The following DZIP1L variants were observed in gnomAD, a reference collection of about 807,000 sequenced individuals.
DZIP1L encodes the protein cilium assembly protein DZIP1L.
DZIP1L carries 90 observed loss-of-function variants against 88.7 expected under a neutral mutation model. The ratio of observed to expected loss-of-function variants is 1.02; its 90% CI spans 0.86 to 1.21. The LOEUF is 1.21. Ranked by LOEUF, DZIP1L falls within the 50% of genes most tolerant of loss-of-function variation. The pLI is 0.00. For synonymous variants in DZIP1L, 363 were observed against 372.1 expected, an observed-to-expected ratio of 0.98 and a Z score of 0.28; for missense variants, 932 against 955.8, an observed-to-expected ratio of 0.98 and a Z score of 0.33.
intron 12 of DZIP1L, among the ~76,000 whole-genome samples, chr3:138,070,534 G>A (rs1303026090): frequency 6.6e-6 from 1 of 152,106 alleles, no homozygotes; most frequent in Non-Finnish European, 1.5e-5. Context: ...ATACCTGCTT[G>A]ATACTTGTCC....
rs1216238934 is a variant in DZIP1L, at chr3:138,086,855, C to G, written c.1062+106G>C. 40 of 1,199,002 alleles carry G rather than the reference C, an allele frequency of 3.3e-5. No homozygotes were observed. In the South Asian group the frequency reaches 5.2e-4, roughly 16 times the overall value. 74.3% of individuals were successfully genotyped at this position (1,199,002 alleles called of 1,614,324 possible). A position where few individuals can be genotyped will look rare whatever the true frequency, so the allele number is the denominator to read the frequency against. On this transcript the variant is annotated intron_variant, in intron 7 of 15. Coordinates refer to ENST00000327532, the MANE Select transcript of DZIP1L (RefSeq NM_173543.3). ...TATCTGCAGCATCTGCCAACCAGTT[C>G]CAGGTGAGATAGGGGAGATGGTGGG...
chr3:138,093,737 T>C (rs1481336570), intron 4 of DZIP1L, among the ~76,000 whole-genome samples: 1 of 152,242 alleles, frequency 6.6e-6, no homozygotes. Context: ...AACCAATCTC[T>C]TTTAGCTTTC....
chr3:138,098,635 C>G (rs1944583563), intron 2 of DZIP1L, among the ~76,000 whole-genome samples: 1 of 152,200 alleles, frequency 6.6e-6, no homozygotes, highest in Admixed American at 6.5e-5. Context: ...CCCCAATACC[C>G]ATTTTCCCTT....
At position 138,092,486 on chromosome 3, in the gene DZIP1L, T is replaced by C; in HGVS notation, c.767A>G (p.Lys256Arg). Reference protein sequence around the residue: ...IEAKKEFDKWKEQEWTKLYGE... With the variant: ...IEAKKEFDKWREQEWTKLYGE... ...ATAAAGTTTGGTCCACTCTTGCTCT[T>C]TCCATTTATCAAATTCTTTCTTAGC... The change falls in exon 5 of 16, where the codon AAA (lysine) becomes AGA (arginine). Residue 256 changes from lysine (K) to arginine (R), a missense_variant. By Grantham distance (26) the Lys-to-Arg change is conservative. Transcript: ENST00000327532. 3 of 1,603,132 alleles carry C rather than the reference T, an allele frequency of 1.9e-6. No homozygotes were observed. The highest frequency in any genetic ancestry group is 1.7e-6 in the Non-Finnish European group (2 of 1,176,656).
Position 138,085,817 on chromosome 3 carries a change from T to C in DZIP1L, c.1062+1144A>G, listed in dbSNP as rs1423879392. Among the ~76,000 whole-genome samples the C allele has an allele frequency of 3.3e-5, 5 of 152,366 alleles. No individual in the cohort carries two copies. The East Asian group carries it at 7.7e-4, about 23-fold the overall frequency. On this transcript the variant is annotated intron_variant, in intron 7 of 15. Transcript: ENST00000327532. ...AAAGACACACGCACACGTATGTTTA[T>C]TGTGGCACTATTCACAATAGCAAAG...
At chr3:138,074,299 C>A (rs1943304493) in intron 11 of DZIP1L, among the ~76,000 whole-genome samples, 1 of 152,188 alleles carries the variant, frequency 6.6e-6, no homozygotes, top group South Asian at 2.1e-4. Context: ...ATCATAAGAG[C>A]TGTGAGGCAA....
At chr3:138,101,591 C>A in intron 2 of DZIP1L, 1 of 802,784 alleles carries the variant, frequency 1.2e-6, no homozygotes, top group South Asian at 1.3e-5. Context: ...GAGCTGGAGC[C>A]TGCGCCAGAG....
intron 14 of DZIP1L, among the ~76,000 whole-genome samples, chr3:138,065,986 G>A (rs540225675): frequency 4.6e-5 from 7 of 152,330 alleles, no homozygotes; most frequent in African/African-American, 1.7e-4. Context: ...TACCATGACA[G>A]TTAGCTCAGG....
intron 2 of DZIP1L, chr3:138,102,184 C>G: frequency 7.3e-7 from 1 of 1,366,582 alleles, no homozygotes; most frequent in South Asian, 1.2e-5. Flanking sequence ...ATGGACAGCA[C>G]CACAGGCGTG....
intron 11 of DZIP1L, among the ~76,000 whole-genome samples, chr3:138,074,224 T>C (rs1943300466): frequency 6.6e-6 from 1 of 152,152 alleles, no homozygotes; most frequent in Admixed American, 6.5e-5. Context: ...GAGAAATTCA[T>C]TGCAAAAAGA....
intron 2 of DZIP1L, chr3:138,101,524 C>A: frequency 2.5e-6 from 2 of 796,980 alleles, no homozygotes; most frequent in Non-Finnish European, 4.4e-6. Flanking sequence ...CTTCCCATCG[C>A]AAGTCTCTAT....
chr3:138,114,605 G>T (rs1262295672), intron 1 of DZIP1L, among the ~76,000 whole-genome samples: 1 of 152,118 alleles, frequency 6.6e-6, no homozygotes, highest in Non-Finnish European at 1.5e-5. Flanking sequence ...AGCCAAGTCA[G>T]AACACCCCAT....
chr3:138,084,226 C>G lies in DZIP1L; in HGVS notation c.1090G>C (p.Ala364Pro), dbSNP rs1161112507. ...ELQEENQRLQ[A>P]SLSQDQKKAA... Reference sequence around the variant, plus strand: ...TTCTTCTGATCCTGAGACAGGGAGGCCTGGAGCCTCTGGTTCTCCTCCTGT... The same window carrying G: ...TTCTTCTGATCCTGAGACAGGGAGGGCTGGAGCCTCTGGTTCTCCTCCTGT... The change falls in exon 8 of 16, where the codon GCC becomes CCC. Residue 364 changes from alanine to proline, a missense_variant. By Grantham distance (27) the Ala-to-Pro change is conservative. Transcript: ENST00000327532. The G allele has an allele frequency of 1.2e-6, 2 of 1,614,010 alleles. No individual in the cohort carries two copies. Among genetic ancestry groups the G allele is most frequent in the Non-Finnish European group, 1.7e-6 (2 of 1,179,998 alleles).
intron 12 of DZIP1L, among the ~76,000 whole-genome samples, chr3:138,069,645 T>A (rs1419969232): frequency 1.3e-5 from 2 of 152,142 alleles, no homozygotes; most frequent in Non-Finnish European, 2.9e-5. Flanking sequence ...TACAACCACT[T>A]GGCCCCCGAG....
At chr3:138,071,606 A>G (rs1245954179) in intron 12 of DZIP1L, 37 bp downstream of exon 12, 7 of 1,581,532 alleles carry the variant, frequency 4.4e-6, no homozygotes, top group South Asian at 1.2e-5. Flanking sequence ...GGACCCTTAC[A>G]GGTCACAGCC....
intron 1 of DZIP1L, among the ~76,000 whole-genome samples, chr3:138,108,804 C>T (rs1211729020): frequency 1.3e-5 from 2 of 152,182 alleles, no homozygotes; most frequent in Non-Finnish European, 2.9e-5. Flanking sequence ...ATGAAAGAAA[C>T]CACAGTACAT....
At position 138,087,014 on chromosome 3, in the gene DZIP1L, A is replaced by G. The variant is rs776620159; in HGVS notation, c.1009T>C (p.Trp337Arg). 2.5e-6 allele frequency: 4 copies of G among 1,613,258 alleles called. No homozygotes were observed. Among genetic ancestry groups the G allele is most frequent in the Admixed American group, 1.7e-5 (1 of 59,830 alleles). ...TGCAGTTCCTTCACTTTTCTTTTCC[A>G]CTCCGTTTTCTGAAAAAGATTAAAA... ...REKTEIQKTE[W>R]KRKVKELHEE... The change falls in exon 7 of 16, where the codon TGG (tryptophan) becomes CGG (arginine). Residue 337 changes from tryptophan to arginine, a missense_variant. Coordinates refer to ENST00000327532, the MANE Select transcript of DZIP1L (RefSeq NM_173543.3).
intron 11 of DZIP1L, among the ~76,000 whole-genome samples, chr3:138,073,630 A>G (rs927530152): frequency 8.5e-5 from 13 of 152,178 alleles, no homozygotes; most frequent in African/African-American, 3.1e-4. Context: ...CCAGAAAAAC[A>G]ATTCTGGTAA....
At chr3:138,102,858 G>A in intron 2 of DZIP1L, 5 of 684,596 alleles carry the variant, frequency 7.3e-6, no homozygotes, top group South Asian at 6.3e-5. Context: ...AGCAGCTGCT[G>A]AAGACCTGGG....
Sources: allele counts gnomAD v4.1 joint callset (sites outside exome capture counted in the v4.1 genomes callset), GRCh38; gene constraint gnomAD v4.1.1; transcripts MANE v1.5; gene names NCBI Gene and HGNC (gene_info 2026-07-23, HGNC 2026-07-21).